Variants in NPIPA5 observed in about 807,000 individuals in gnomAD.
NPIPA5 encodes the protein nuclear pore complex interacting protein family member A5.
In NPIPA5, 6 loss-of-function variants were observed where a neutral mutation model predicts 21.4. The ratio of observed to expected loss-of-function variants is 0.28; its 90% CI spans 0.15 to 0.55. The LOEUF is 0.55. Among genes scored for constraint, NPIPA5 ranks in the 20% least tolerant of loss-of-function variants. NPIPA5 has a pLI of 0.93. For missense variants in NPIPA5, 99 were observed against 318.2 expected, an observed-to-expected ratio of 0.31 and a Z score of 5.24; for synonymous variants, 33 against 115.3, an observed-to-expected ratio of 0.29 and a Z score of 4.57.
At chr16:15,379,453 C>T (rs2050384281), upstream of NPIPA5, among the ~76,000 whole-genome samples, 1 of 151,416 alleles carries the variant, frequency 6.6e-6, no homozygotes, top group African/African-American at 2.4e-5. Context: ...TGTAGTCCCA[C>T]CTACTTGGGA....
intron 2 of NPIPA5, among the ~76,000 whole-genome samples, chr16:15,370,751 C>CAAAAA (rs1307591913): frequency 9.6e-6 from 1 of 104,612 alleles, no homozygotes; most frequent in Non-Finnish European, 2.0e-5. Flanking sequence ...AACTCTGTCT[C>CAAAAA]AAAAAAAAAA....
intron 4 of NPIPA5, among the ~76,000 whole-genome samples, chr16:15,368,332 C>A (rs1065004): frequency 1.3e-5 from 2 of 151,856 alleles, no homozygotes; most frequent in Admixed American, 1.3e-4. Context: ...TGAGCCTGCA[C>A]AGACGACCTC....
chr16:15,380,379 A>G (rs1404780918), upstream of NPIPA5, among the ~76,000 whole-genome samples: 3 of 151,580 alleles, frequency 2.0e-5, no homozygotes, highest in African/African-American at 4.8e-5. Flanking sequence ...CTGGAGTGCA[A>G]TGGCGTGATC....
At chr16:15,369,074 A>C (rs945773498) in intron 4 of NPIPA5, among the ~76,000 whole-genome samples, 2 of 148,258 alleles carry the variant, frequency 1.3e-5, no homozygotes, top group African/African-American at 5.0e-5. Flanking sequence ...ATTGCTTCAA[A>C]CTGGGAGGCA....
intron 4 of NPIPA5, among the ~76,000 whole-genome samples, chr16:15,367,287 G>C (rs191774161): frequency 2.0e-5 from 3 of 152,130 alleles, no homozygotes; most frequent in Non-Finnish European, 4.4e-5. Flanking sequence ...TAACCCTGCA[G>C]TTCACTACTG....
intron 1 of NPIPA5, among the ~76,000 whole-genome samples, chr16:15,377,896 C>A (rs909934950): frequency 2.0e-5 from 3 of 150,180 alleles, no homozygotes; most frequent in Non-Finnish European, 4.4e-5. Context: ...TTCCACCAAA[C>A]CTTCTTCGGT....
rs530862449 is a variant in NPIPA5, at chr16:15,371,316, G to C, written c.193-1197C>G. On this transcript the variant is annotated intron_variant, in intron 2 of 7. Coordinates refer to ENST00000360151, the MANE Select transcript of NPIPA5 (RefSeq NM_001277325.2). ...CTTTCCCTTCCCTCACATCAGCTTC[G>C]TTGAGGCTGGTTTGAACTTAATGCA... Among the ~76,000 whole-genome samples, 52 of 143,042 alleles carry C rather than the reference G, an allele frequency of 3.6e-4. 7 individuals are homozygous for C. The East Asian group carries it at 0.012, about 33-fold the overall frequency. 93.8% of individuals were successfully genotyped at this position (143,042 alleles called of 152,430 possible). A position where few individuals can be genotyped will look rare whatever the true frequency, so the allele number is the denominator to read the frequency against.
At chr16:15,380,066 G>A (rs541185789), upstream of NPIPA5, among the ~76,000 whole-genome samples, 4 of 151,280 alleles carry the variant, frequency 2.6e-5, no homozygotes, top group Admixed American at 2.6e-4. Context: ...CATTTTAAAA[G>A]ACAAGATAAT....
rs1212140440 is a variant in NPIPA5 at position 15,370,643 on chromosome 16, C to T, written c.193-524G>A. Among the ~76,000 whole-genome samples, 10 of 140,598 alleles carry T rather than the reference C, an allele frequency of 7.1e-5. 1 individual carries two copies. The highest frequency in any genetic ancestry group is 2.4e-4 in the South Asian group (1 of 4,186). 92.2% of individuals were successfully genotyped at this position (140,598 alleles called of 152,430 possible). ...GTGCATGCCTGTAATCCCAGCTAGT[C>T]GGGAGGCTGAGGCAGGAGAATCACT... On this transcript the variant is annotated intron_variant, in intron 2 of 7. Transcript: ENST00000360151.
chr16:15,368,346 T>C (rs1033825335), intron 4 of NPIPA5, among the ~76,000 whole-genome samples: 2 of 152,006 alleles, frequency 1.3e-5, no homozygotes, highest in African/African-American at 2.4e-5. Flanking sequence ...CGACCTCAAT[T>C]GCAGCCTGTA....
chr16:15,368,270 G>T (rs1275472589), intron 4 of NPIPA5, among the ~76,000 whole-genome samples: 1 of 150,020 alleles, frequency 6.7e-6, no homozygotes, highest in Non-Finnish European at 1.5e-5. Context: ...ACCCAGAAGA[G>T]TCATGCATCA....
At chr16:15,370,593 A>C (rs1477445974) in intron 2 of NPIPA5, among the ~76,000 whole-genome samples, 3 of 144,174 alleles carry the variant, frequency 2.1e-5, no homozygotes, top group Non-Finnish European at 3.0e-5. Context: ...CTCTGCTAAA[A>C]ATACAAAATT....
At chr16:15,380,327 A>ATT (rs201469564), upstream of NPIPA5, among the ~76,000 whole-genome samples, 7,482 of 140,680 alleles carry the variant, frequency 0.053, 300 homozygotes, top group Admixed American at 0.11. Context: ...TTGCAGGATA[A>ATT]TTTTTTTTTT....
intron 1 of NPIPA5, among the ~76,000 whole-genome samples, chr16:15,376,749 T>C (rs1451698742): frequency 1.3e-5 from 2 of 151,510 alleles, no homozygotes; most frequent in Admixed American, 6.6e-5. Flanking sequence ...ACCCAGTCTC[T>C]ACTAAAAATA....
At chr16:15,371,457 T>C (rs2050153316) in intron 2 of NPIPA5, among the ~76,000 whole-genome samples, 1 of 148,884 alleles carries the variant, frequency 6.7e-6, no homozygotes, top group African/African-American at 2.5e-5. Flanking sequence ...GCAACGCAAA[T>C]CCCATCTGAG....
chr16:15,379,545 C>T (rs112814663), upstream of NPIPA5, among the ~76,000 whole-genome samples: 4,352 of 149,174 alleles, frequency 0.029, 61 homozygotes, highest in Non-Finnish European at 0.04. Flanking sequence ...CCAGCCTAGG[C>T]GACAGAGCGA....
rs1402320495 is a variant in NPIPA5, at chr16:15,370,822, G to A, written c.193-703C>T. Among the ~76,000 whole-genome samples the A allele has an allele frequency of 1.6e-4, 23 of 147,922 alleles. 1 individual carries two copies. The highest frequency in any genetic ancestry group is 3.1e-4 in the Non-Finnish European group (21 of 67,180). ...TCCCAGCACTTTGGGAGGCCGAGGC[G>A]GGTGAATCACGGTCCAGAGATGGAG... On this transcript the variant is annotated intron_variant, in intron 2 of 7. Transcript: ENST00000360151.
chr16:15,379,650 T>G (rs1439479323), upstream of NPIPA5, among the ~76,000 whole-genome samples: 1 of 151,212 alleles, frequency 6.6e-6, no homozygotes, highest in African/African-American at 2.4e-5. Context: ...TGCAGCCATG[T>G]TCCAGCCCTA....
At chr16:15,372,434 G>A (rs906070582) in intron 2 of NPIPA5, among the ~76,000 whole-genome samples, 10 of 144,402 alleles carry the variant, frequency 6.9e-5, no homozygotes, top group Admixed American at 6.6e-4. Context: ...GCAGTGAGCC[G>A]AGATCACACC....
Sources: gnomAD v4.1 joint callset for allele counts (sites outside exome capture counted in the v4.1 genomes callset) on GRCh38, gnomAD v4.1.1 for gene constraint, MANE v1.5 for transcripts, NCBI Gene and HGNC (gene_info 2026-07-23, HGNC 2026-07-21) for gene names.